MACROD2: variants seen among roughly 807,000 people sequenced by gnomAD.
MACROD2 encodes the protein mono-ADP ribosylhydrolase 2, also known as ADP-ribose glycohydrolase MACROD2.
Under a neutral mutation model 70.4 loss-of-function variants are expected in MACROD2, and 36 were observed. The observed-to-expected ratio is 0.51, with a 90% CI of 0.39 to 0.68. The LOEUF is 0.68. Ranked by LOEUF, MACROD2 falls within the 30% of genes least tolerant of loss-of-function variation. MACROD2 has a pLI of 0.00. For missense variants in MACROD2, 496 were observed against 538.4 expected (o/e 0.92, Z 0.78); for synonymous variants, 172 against 178.8 (o/e 0.96, Z 0.30).
At position 15,323,062 on chromosome 20, in the gene MACROD2, T is replaced by A. The variant is rs1258072854; in HGVS notation, c.540+93001T>A. Among the ~76,000 whole-genome samples the A allele has an allele frequency of 3.8e-5, 4 of 104,172 alleles. No individual in the cohort carries two copies. The East Asian group carries it at 1.0e-3, about 27-fold the overall frequency. The allele number at this position is 104,172 out of a possible 152,430, so 68.3% of individuals were successfully genotyped here. ...CTTGGGGTTCAGTTTTTAGGTAGAATAATGCTGTATGTTGATGTTGACATT... is the reference window on the plus strand; with the variant it reads ...CTTGGGGTTCAGTTTTTAGGTAGAAAAATGCTGTATGTTGATGTTGACATT... On this transcript the variant is annotated intron_variant, in intron 6 of 17. Coordinates refer to ENST00000684519, the MANE Select transcript of MACROD2 (RefSeq NM_001351661.2).
chr20:14,276,261 AT>A (rs2082254638), intron 3 of MACROD2, among the ~76,000 whole-genome samples: 1 of 151,532 alleles, frequency 6.6e-6, no homozygotes, highest in Non-Finnish European at 1.5e-5. Flanking sequence ...GATTAAGAAA[AT>A]GTGGCACATA....
intron 2 of MACROD2, among the ~76,000 whole-genome samples, chr20:14,002,832 A>G (rs1161950134): frequency 6.6e-6 from 1 of 151,978 alleles, no homozygotes; most frequent in East Asian, 1.9e-4. Context: ...ACCAAAGAAC[A>G]TTTCTCATTA....
chr20:14,782,484 T>C lies in MACROD2; in HGVS notation c.418+97525T>C, dbSNP rs142829752. Among the ~76,000 whole-genome samples, 59 of 152,230 alleles carry C rather than the reference T, an allele frequency of 3.9e-4. 1 individual carries two copies. Among genetic ancestry groups the C allele is most frequent in the African/African-American group, 1.3e-3 (54 of 41,498 alleles). On this transcript the variant is annotated intron_variant, in intron 5 of 17. Coordinates refer to ENST00000684519, the MANE Select transcript of MACROD2 (RefSeq NM_001351661.2). ...CAGTTTTTCAACTTCATAACTAAGATATGTAGTTGAAGATTCCTCAAATGC... is the reference window on the plus strand; with the variant it reads ...CAGTTTTTCAACTTCATAACTAAGACATGTAGTTGAAGATTCCTCAAATGC...
chr20:15,556,356 G>T (rs2048169007), intron 8 of MACROD2, among the ~76,000 whole-genome samples: 1 of 152,120 alleles, frequency 6.6e-6, no homozygotes, highest in Non-Finnish European at 1.5e-5. Context: ...AAGAATCATG[G>T]ATCTCTTGAT....
intron 3 of MACROD2, among the ~76,000 whole-genome samples, chr20:14,275,720 A>G (rs1321519732): frequency 2.0e-5 from 3 of 152,162 alleles, no homozygotes; most frequent in South Asian, 2.1e-4. Flanking sequence ...GAAAATTTTC[A>G]CAACCTACTC....
intron 3 of MACROD2, among the ~76,000 whole-genome samples, chr20:14,332,205 G>GT (rs1251463813): frequency 3.9e-5 from 6 of 151,902 alleles, no homozygotes; most frequent in African/African-American, 9.7e-5. Flanking sequence ...AAATTGTGGG[G>GT]TTTTTTTGCA....
At chr20:15,287,283 A>C (rs2146100011) in intron 6 of MACROD2, among the ~76,000 whole-genome samples, 1 of 152,320 alleles carries the variant, frequency 6.6e-6, no homozygotes, top group East Asian at 1.9e-4. Flanking sequence ...TTGTCAATTA[A>C]CTTTTTTTGA....
intron 4 of MACROD2, among the ~76,000 whole-genome samples, chr20:14,578,996 TA>T (rs11087097): frequency 0.64 from 97,579 of 152,000 alleles, 32,885 homozygotes; most frequent in East Asian, 0.93. Flanking sequence ...TGCACTTCTT[TA>T]AAGCTGCTGC....
At position 15,471,453 on chromosome 20, in the gene MACROD2, T is replaced by A. The variant is rs542922087; in HGVS notation, c.572-28321T>A. On this transcript the variant is annotated intron_variant, in intron 7 of 17. Coordinates refer to ENST00000684519, the MANE Select transcript of MACROD2 (RefSeq NM_001351661.2). The stretch of plus-strand genomic sequence containing the variant: ...CTCAACCTGGTGTAGGTAGTGTTAT[T>A]CTCATTTTTTTCATATGATAACTCT... Among the ~76,000 whole-genome samples, 9 of 152,310 alleles carry A rather than the reference T, an allele frequency of 5.9e-5. No homozygotes were observed. In the South Asian group the frequency reaches 1.4e-3, roughly 25 times the overall value.
At chr20:15,620,074 T>C (rs2049103510) in intron 8 of MACROD2, among the ~76,000 whole-genome samples, 1 of 152,052 alleles carries the variant, frequency 6.6e-6, no homozygotes, top group Non-Finnish European at 1.5e-5. Flanking sequence ...GATGAAATGA[T>C]GGCAAGGCTG....
At chr20:15,314,290 G>A (rs1192317037) in intron 6 of MACROD2, among the ~76,000 whole-genome samples, 2 of 151,738 alleles carry the variant, frequency 1.3e-5, no homozygotes, top group South Asian at 2.1e-4. Flanking sequence ...AAAAAAAAAA[G>A]GCAACTTTAA....
At chr20:14,825,450 G>A (rs890182935) in intron 5 of MACROD2, among the ~76,000 whole-genome samples, 5 of 152,004 alleles carry the variant, frequency 3.3e-5, no homozygotes, top group Admixed American at 2.6e-4. Context: ...ATTAAAATAT[G>A]CTAATTTCTA....
At chr20:15,585,566 G>A (rs766281044) in intron 8 of MACROD2, among the ~76,000 whole-genome samples, 2 of 152,068 alleles carry the variant, frequency 1.3e-5, no homozygotes, top group Non-Finnish European at 2.9e-5. Context: ...TCCCCTAGGA[G>A]CATCACTCAT....
At chr20:14,515,390 A>G (rs1489481887) in intron 4 of MACROD2, among the ~76,000 whole-genome samples, 2 of 151,750 alleles carry the variant, frequency 1.3e-5, no homozygotes, top group Admixed American at 6.6e-5. Flanking sequence ...CATTATTCAC[A>G]TAGCCAAGAT....
chr20:14,508,927 C>A (rs2084998952), intron 4 of MACROD2, among the ~76,000 whole-genome samples: 1 of 152,144 alleles, frequency 6.6e-6, no homozygotes, highest in South Asian at 2.1e-4. Context: ...ATATTTAAGA[C>A]CACACAATGA....
At chr20:15,910,648 T>C (rs2065223394) in intron 10 of MACROD2, among the ~76,000 whole-genome samples, 1 of 152,176 alleles carries the variant, frequency 6.6e-6, no homozygotes, top group African/African-American at 2.4e-5. Flanking sequence ...GCAGAATGGC[T>C]GAAGCCCTGA....
rs146755085 is a variant in MACROD2, at chr20:14,733,046, G to T, written c.418+48087G>T. On this transcript the variant is annotated intron_variant, in intron 5 of 17. Transcript: ENST00000684519. Reference sequence around the variant, plus strand: ...TTTGTATTATACCTTAATTACCCAAGCTTTCAGGGGAAATTCTTAATTCTT... The same window carrying T: ...TTTGTATTATACCTTAATTACCCAATCTTTCAGGGGAAATTCTTAATTCTT... 2.0e-3 allele frequency among the ~76,000 whole-genome samples: 303 copies of T among 152,216 alleles called. 1 individual carries two copies. The highest frequency in any genetic ancestry group is 7.0e-3 in the African/African-American group (289 of 41,538).
chr20:15,798,588 T>C (rs1030800669), intron 8 of MACROD2, among the ~76,000 whole-genome samples: 3 of 152,204 alleles, frequency 2.0e-5, no homozygotes, highest in Non-Finnish European at 4.4e-5. Flanking sequence ...AGAATTAAAC[T>C]TCACCTTGAC....
chr20:14,412,810 T>C (rs1350973109), intron 3 of MACROD2, among the ~76,000 whole-genome samples: 2 of 152,218 alleles, frequency 1.3e-5, no homozygotes, highest in Non-Finnish European at 2.9e-5. Context: ...CTCTGAGGGA[T>C]GTGGTATCCT....
Sources: allele counts gnomAD v4.1 joint callset (sites outside exome capture counted in the v4.1 genomes callset), GRCh38; gene constraint gnomAD v4.1.1; transcripts MANE v1.5; gene names NCBI Gene and HGNC (gene_info 2026-07-23, HGNC 2026-07-21).